Variants in SMIM41 observed in about 807,000 individuals in gnomAD.
SMIM41 encodes small integral membrane protein 41.
chr12:52,082,349 G>A (rs572812189), intron 1 of SMIM41, among the ~76,000 whole-genome samples: 10 of 152,188 alleles, frequency 6.6e-5, no homozygotes, highest in Admixed American at 2.6e-4. Flanking sequence ...GGGCTGGGGC[G>A]GGGGTGTAGA....
At chr12:52,105,975 C>T (rs1940331600) in intron 2 of SMIM41, among the ~76,000 whole-genome samples, 1 of 152,116 alleles carries the variant, frequency 6.6e-6, no homozygotes, top group Non-Finnish European at 1.5e-5. Context: ...ATGATTAAAC[C>T]GATCGTGGGC....
In SMIM41 at chr12:52,093,845, G is replaced by A. The variant is rs1940044100; in HGVS notation, c.*195+9877G>A. On this transcript the variant is annotated intron_variant, in intron 2 of 2. Transcript: ENST00000546390. ...AAAGCAACCCTTTTGGAAAAATCTG[G>A]CCGGGTGGGGCGCGGTGGCTCACGC... 2.6e-5 allele frequency among the ~76,000 whole-genome samples: 4 copies of A among 152,098 alleles called. No individual in the cohort carries two copies. The South Asian group carries it at 8.3e-4, about 32-fold the overall frequency.
intron 2 of SMIM41, among the ~76,000 whole-genome samples, chr12:52,100,459 CTTT>C (rs560412492): frequency 2.8e-5 from 4 of 143,724 alleles, no homozygotes; most frequent in Non-Finnish European, 1.5e-5. Context: ...TATTTTCTTT[CTTT>C]TTTTTTTTTT....
chr12:52,097,348 A>ACC lies in SMIM41; in HGVS notation c.*196-10023_*196-10022dup, dbSNP rs150409162. 9.7e-4 allele frequency among the ~76,000 whole-genome samples: 137 copies of ACC among 141,140 alleles called. 1 individual carries two copies. The highest frequency in any genetic ancestry group is 1.5e-3 in the Non-Finnish European group (97 of 64,488). The allele number at this position is 141,140 out of a possible 152,430, so 92.6% of individuals were successfully genotyped here. A position where few individuals can be genotyped will look rare whatever the true frequency, so the allele number is the denominator to read the frequency against. On this transcript the variant is annotated intron_variant, in intron 2 of 2. Transcript: ENST00000546390. ...CCCCCACGATGCGGGGAGAAATATCACCCCCCCCCGGATATTACGAGCCAC... is the reference window on the plus strand; with the variant it reads ...CCCCCACGATGCGGGGAGAAATATCACCCCCCCCCCCGGATATTACGAGCCAC...
intron 2 of SMIM41, among the ~76,000 whole-genome samples, chr12:52,097,092 C>G (rs79248264): frequency 0.02 from 3,017 of 152,166 alleles, 94 homozygotes; most frequent in Admixed American, 0.096. Flanking sequence ...GATATTGTTC[C>G]TGATGTCCGG....
chr12:52,082,407 C>T (rs1470004424), intron 1 of SMIM41, among the ~76,000 whole-genome samples: 1 of 152,086 alleles, frequency 6.6e-6, no homozygotes, highest in Non-Finnish European at 1.5e-5. Flanking sequence ...GTTGCTGTTC[C>T]TGAGTCCAGT....
chr12:52,103,424 A>G (rs1417839787), intron 2 of SMIM41, among the ~76,000 whole-genome samples: 3 of 152,122 alleles, frequency 2.0e-5, no homozygotes, highest in Non-Finnish European at 4.4e-5. Context: ...ACATGGATGA[A>G]CCTTGAAGAG....
intron 1 of SMIM41, among the ~76,000 whole-genome samples, chr12:52,080,411 G>T (rs1215016453): frequency 1.3e-5 from 2 of 152,226 alleles, no homozygotes; most frequent in Admixed American, 1.3e-4. Flanking sequence ...GTCTCCTGCA[G>T]CTCTGGCCCC....
chr12:52,095,998 C>T (rs933344726), intron 2 of SMIM41, among the ~76,000 whole-genome samples: 6 of 151,948 alleles, frequency 3.9e-5, no homozygotes, highest in Admixed American at 6.6e-5. Flanking sequence ...TGTACACCCC[C>T]GGCGATATTG....
intron 2 of SMIM41, 116 bp from the exon 3 acceptor site, chr12:52,107,263 A>T: frequency 2.5e-6 from 1 of 399,070 alleles, no homozygotes; most frequent in East Asian, 6.8e-5. Context: ...TGCAGACACA[A>T]TGCTGGGTGT....
chr12:52,082,016 C>G (rs1289929831), intron 1 of SMIM41: 1 of 152,356 alleles, frequency 6.6e-6, no homozygotes, highest in East Asian at 1.9e-4. Context: ...GTGCCACTGC[C>G]CCCTTCCCAT....
intron 2 of SMIM41, among the ~76,000 whole-genome samples, chr12:52,106,194 C>A (rs1164633240): frequency 4.6e-5 from 7 of 152,190 alleles, no homozygotes; most frequent in Non-Finnish European, 1.0e-4. Flanking sequence ...ACAAGTGAGT[C>A]TCTTTTGTTT....
intron 2 of SMIM41, among the ~76,000 whole-genome samples, chr12:52,102,588 C>T (rs1317189928): frequency 6.6e-6 from 1 of 152,036 alleles, no homozygotes; most frequent in African/African-American, 2.4e-5. Context: ...TAGACATGTC[C>T]CTAAAGAAGA....
chr12:52,080,944 G>A (rs555990060), intron 1 of SMIM41, among the ~76,000 whole-genome samples: 9 of 152,184 alleles, frequency 5.9e-5, no homozygotes, highest in African/African-American at 1.9e-4. Context: ...GTGTGTTGGG[G>A]GGTGTGGATG....
At chr12:52,097,905 C>A (rs1940128598) in intron 2 of SMIM41, among the ~76,000 whole-genome samples, 1 of 152,088 alleles carries the variant, frequency 6.6e-6, no homozygotes, top group East Asian at 1.9e-4. Context: ...CCACAAGGGG[C>A]ATCAAACCAC....
At chr12:52,080,677 C>T (rs570894479) in intron 1 of SMIM41, among the ~76,000 whole-genome samples, 29 of 152,280 alleles carry the variant, frequency 1.9e-4, no homozygotes, top group Non-Finnish European at 2.6e-4. Flanking sequence ...GACAGGCAGG[C>T]GGCTCCAGCC....
chr12:52,080,734 G>T (rs1057329336), intron 1 of SMIM41, among the ~76,000 whole-genome samples: 1 of 152,216 alleles, frequency 6.6e-6, no homozygotes, highest in African/African-American at 2.4e-5. Flanking sequence ...GGTGCTTGAG[G>T]GAGATTCCTT....
intron 2 of SMIM41, among the ~76,000 whole-genome samples, chr12:52,100,280 C>A (rs1012119753): frequency 1.3e-5 from 2 of 151,958 alleles, no homozygotes; most frequent in African/African-American, 4.8e-5. Context: ...GGTGTCCACC[C>A]TCTGCGATAT....
chr12:52,102,654 A>G (rs1940240673), intron 2 of SMIM41, among the ~76,000 whole-genome samples: 2 of 152,230 alleles, frequency 1.3e-5, no homozygotes, highest in African/African-American at 4.8e-5. Context: ...ATCATAGGGA[A>G]GCACAAATCA....
Sources: allele counts gnomAD v4.1 joint callset (sites outside exome capture counted in the v4.1 genomes callset), GRCh38; gene constraint gnomAD v4.1.1; transcripts MANE v1.5; gene names NCBI Gene and HGNC (gene_info 2026-07-23, HGNC 2026-07-21).